IFT56: variants seen among roughly 807,000 people sequenced by gnomAD.
IFT56 encodes the protein intraflagellar transport 56.
the IFT56 span, chr7:139,173,989 T>C: frequency 3.8e-4 from 242 of 633,888 alleles, 2 homozygotes; most frequent in East Asian, 8.1e-3. Flanking sequence ...CTTAATGAAT[T>C]TTCATCATTT....
chr7:139,134,861 C>A, the IFT56 span: 1 of 1,522,380 alleles, frequency 6.6e-7, no homozygotes, highest in South Asian at 1.2e-5. Flanking sequence ...TGGGTGAATG[C>A]TGTTTGCTAT....
chr7:139,160,469 C>T, the IFT56 span, among the ~76,000 whole-genome samples: 8 of 148,168 alleles, frequency 5.4e-5, no homozygotes, highest in East Asian at 2.0e-4. Context: ...CTTGCTCTGT[C>T]GCCAGGCTGG....
the IFT56 span, chr7:139,137,968 C>T: frequency 1.4e-6 from 2 of 1,383,714 alleles, no homozygotes; most frequent in South Asian, 1.2e-5. Flanking sequence ...TTTTTCCTAA[C>T]AGAACTGTGT....
At chr7:139,182,713 T>C in the IFT56 span, among the ~76,000 whole-genome samples, 37,571 of 151,840 alleles carry the variant, frequency 0.25, 8,400 homozygotes, top group African/African-American at 0.57. Context: ...AGGAACCTTG[T>C]GGAAACCAGT....
the IFT56 span, among the ~76,000 whole-genome samples, chr7:139,186,950 C>T: frequency 2.0e-5 from 3 of 150,210 alleles, no homozygotes; most frequent in Non-Finnish European, 4.4e-5. Context: ...AAAAATTAGC[C>T]GGGCGCGGTG....
chr7:139,151,138 G>A, the IFT56 span, among the ~76,000 whole-genome samples: 2 of 152,140 alleles, frequency 1.3e-5, no homozygotes, highest in African/African-American at 4.8e-5. Context: ...AGAAGGAGGA[G>A]ATACAAAAGG....
the IFT56 span, among the ~76,000 whole-genome samples, chr7:139,186,181 A>G: frequency 6.6e-6 from 1 of 152,210 alleles, no homozygotes; most frequent in East Asian, 1.9e-4. Flanking sequence ...TAATCCCTGC[A>G]CTTTAGGAAA....
the IFT56 span, chr7:139,172,396 C>T: frequency 2.9e-6 from 1 of 344,328 alleles, no homozygotes; most frequent in Non-Finnish European, 5.6e-6. Context: ...GTCAGAGCCG[C>T]CAGGTGGGCA....
At chr7:139,165,113 A>G in the IFT56 span, 404 of 1,594,072 alleles carry the variant, frequency 2.5e-4, no homozygotes, top group Non-Finnish European at 3.4e-4. Flanking sequence ...CCATAATAGC[A>G]TGATTTCTGT....
At chr7:139,150,369 T>C in the IFT56 span, among the ~76,000 whole-genome samples, 1 of 152,188 alleles carries the variant, frequency 6.6e-6, no homozygotes, top group Non-Finnish European at 1.5e-5. Flanking sequence ...AATTTTGGTG[T>C]GTGGTCCAAT....
At chr7:139,163,038 A>G in the IFT56 span, among the ~76,000 whole-genome samples, 2 of 150,810 alleles carry the variant, frequency 1.3e-5, no homozygotes, top group African/African-American at 4.9e-5. Flanking sequence ...TTTACACAGT[A>G]TGCATTTAGA....
the IFT56 span, chr7:139,179,544 G>A: frequency 6.3e-7 from 1 of 1,595,992 alleles, no homozygotes. Context: ...GCATCCTCAT[G>A]TGTATTCCCT....
the IFT56 span, among the ~76,000 whole-genome samples, chr7:139,189,118 T>G: frequency 6.6e-6 from 1 of 152,160 alleles, no homozygotes; most frequent in Non-Finnish European, 1.5e-5. Flanking sequence ...CAAGAAAGAT[T>G]TCACATAATT....
chr7:139,151,436 T>C, the IFT56 span, among the ~76,000 whole-genome samples: 2 of 152,312 alleles, frequency 1.3e-5, no homozygotes, highest in Admixed American at 1.3e-4. Flanking sequence ...TGAAGAACTT[T>C]TCCCCCAAAA....
the IFT56 span, among the ~76,000 whole-genome samples, chr7:139,135,689 C>T: frequency 8.5e-5 from 13 of 152,102 alleles, no homozygotes. Flanking sequence ...GGAGATGGTC[C>T]CAGGAGACTG....
chr7:139,150,365 G>C, the IFT56 span, among the ~76,000 whole-genome samples: 1 of 152,072 alleles, frequency 6.6e-6, no homozygotes, highest in Non-Finnish European at 1.5e-5. Flanking sequence ...TACCAATTTT[G>C]GTGTGTGGTC....
chr7:139,136,623 G>T, the IFT56 span, among the ~76,000 whole-genome samples: 1 of 151,718 alleles, frequency 6.6e-6, no homozygotes, highest in East Asian at 1.9e-4. Context: ...GCTAATTTTC[G>T]TTTGATTGGC....
chr7:139,133,897 A>G, the IFT56 span: 9 of 1,614,032 alleles, frequency 5.6e-6, no homozygotes, highest in South Asian at 7.7e-5. Context: ...TACTTTGAGT[A>G]GGTCCTGAGG....
chr7:139,158,993 T>C, the IFT56 span, among the ~76,000 whole-genome samples: 1 of 152,210 alleles, frequency 6.6e-6, no homozygotes, highest in Non-Finnish European at 1.5e-5. Context: ...TCTTTACATA[T>C]CACATATTAG....
Sources: gnomAD v4.1 joint callset for allele counts (sites outside exome capture counted in the v4.1 genomes callset) on GRCh38, gnomAD v4.1.1 for gene constraint, MANE v1.5 for transcripts, NCBI Gene and HGNC (gene_info 2026-07-23, HGNC 2026-07-21) for gene names.